SLC24A3: variants seen among roughly 807,000 people sequenced by gnomAD.
The protein encoded by SLC24A3 is solute carrier family 24 member 3, also known as sodium/potassium/calcium exchanger 3.
Under a neutral mutation model 75.8 loss-of-function variants are expected in SLC24A3, and 28 were observed. The ratio of observed to expected loss-of-function variants is 0.37; its 90% CI spans 0.27 to 0.51. SLC24A3 has a LOEUF of 0.51. Ranked by LOEUF, SLC24A3 falls within the 20% of genes least tolerant of loss-of-function variation. The pLI is 0.94. For synonymous variants in SLC24A3, 372 were observed against 334.1 expected, an observed-to-expected ratio of 1.11 and a Z score of -1.24; for missense variants, 663 against 847.8, an observed-to-expected ratio of 0.78 and a Z score of 2.71.
intron 6 of SLC24A3, among the ~76,000 whole-genome samples, chr20:19,591,115 CCA>C (rs1384633142): frequency 6.6e-6 from 1 of 152,142 alleles, no homozygotes; most frequent in Middle Eastern, 3.2e-3. Context: ...GGTCCCAGGC[CCA>C]GAGTTCTGCT....
chr20:19,704,820 T>C (rs533988517), intron 15 of SLC24A3, among the ~76,000 whole-genome samples: 1 of 151,602 alleles, frequency 6.6e-6, no homozygotes, highest in African/African-American at 2.4e-5. Flanking sequence ...TAGTGCAGAG[T>C]AAGGTGGGCA....
At chr20:19,408,605 G>T (rs1420122388) in intron 2 of SLC24A3, among the ~76,000 whole-genome samples, 1 of 152,016 alleles carries the variant, frequency 6.6e-6, no homozygotes. Flanking sequence ...GGCCAAGCTG[G>T]TCTCGAACTT....
At chr20:19,312,132 C>T (rs1356637909) in intron 2 of SLC24A3, among the ~76,000 whole-genome samples, 1 of 152,168 alleles carries the variant, frequency 6.6e-6, no homozygotes, top group Non-Finnish European at 1.5e-5. Context: ...AAGGTGAAAA[C>T]ATTTTTCTAA....
chr20:19,307,141 T>C (rs1390105030), intron 2 of SLC24A3, among the ~76,000 whole-genome samples: 1 of 152,228 alleles, frequency 6.6e-6, no homozygotes, highest in Non-Finnish European at 1.5e-5. Flanking sequence ...TTTTCATTGA[T>C]CAGTTGGATG....
intron 2 of SLC24A3, among the ~76,000 whole-genome samples, chr20:19,367,822 T>G (rs1985921670): frequency 6.6e-6 from 1 of 152,176 alleles, no homozygotes; most frequent in Non-Finnish European, 1.5e-5. Context: ...ATTGGTGCAT[T>G]GGCCGTGTTT....
intron 2 of SLC24A3, among the ~76,000 whole-genome samples, chr20:19,359,366 G>T (rs973246407): frequency 6.6e-6 from 1 of 152,102 alleles, no homozygotes; most frequent in African/African-American, 2.4e-5. Flanking sequence ...TCCTATGAAT[G>T]GCCTGTGTAG....
At chr20:19,289,682 G>A (rs1310560116) in intron 2 of SLC24A3, among the ~76,000 whole-genome samples, 2 of 152,092 alleles carry the variant, frequency 1.3e-5, no homozygotes, top group Non-Finnish European at 2.9e-5. Context: ...CCTGGCCTGG[G>A]AGCACATGTG....
chr20:19,665,737 C>T (rs2032390830), intron 7 of SLC24A3, 127 bp from the exon 8 acceptor site: 10 of 1,257,462 alleles, frequency 8.0e-6, no homozygotes, highest in Non-Finnish European at 1.1e-5. Context: ...CAGGACAACC[C>T]AGTCCTGATT....
chr20:19,527,344 G>A (rs2030217601), intron 3 of SLC24A3, among the ~76,000 whole-genome samples: 1 of 152,160 alleles, frequency 6.6e-6, no homozygotes, highest in African/African-American at 2.4e-5. Flanking sequence ...TGGAAGAAGT[G>A]CTCATTGAAT....
chr20:19,308,954 C>CTTAGAATTCTTGTCT (rs1452754471), intron 2 of SLC24A3, among the ~76,000 whole-genome samples: 4 of 152,154 alleles, frequency 2.6e-5, no homozygotes, highest in African/African-American at 9.7e-5. Flanking sequence ...AAATTTAATA[C>CTTAGAATTCTTGTCT]GTTCTTGTCT....
At chr20:19,316,537 A>G (rs1049880737) in intron 2 of SLC24A3, among the ~76,000 whole-genome samples, 1 of 152,184 alleles carries the variant, frequency 6.6e-6, no homozygotes, top group African/African-American at 2.4e-5. Context: ...AAAAAATCCA[A>G]TCTTGAAAAT....
At chr20:19,323,478 A>G (rs1260251705) in intron 2 of SLC24A3, among the ~76,000 whole-genome samples, 4 of 152,134 alleles carry the variant, frequency 2.6e-5, no homozygotes, top group African/African-American at 9.7e-5. Context: ...TATATTTAAG[A>G]TATTTTAAAA....
chr20:19,281,041 T>C lies in SLC24A3; in HGVS notation c.225T>C (p.Thr75=). 1 of 1,614,160 alleles carries C rather than the reference T, an allele frequency of 6.2e-7. No homozygotes were observed. Among genetic ancestry groups the C allele is most frequent in the Non-Finnish European group, 8.5e-7 (1 of 1,180,014 alleles). ...TGATGCAGGTGAACGACACTCTGAC[T>C]TCCGAAGATGCCGGACTCCGGAACA... is the stretch of plus-strand genomic sequence containing the variant. ...RKLMQVNDTL[T]SEDAGLRNSK... Residue 75 remains threonine, a synonymous_variant, in exon 2 of 17, where the codon ACT becomes ACC. Transcript: ENST00000328041.
chr20:19,505,433 A>G (rs1345764862), intron 2 of SLC24A3, among the ~76,000 whole-genome samples: 2 of 152,204 alleles, frequency 1.3e-5, no homozygotes, highest in East Asian at 3.8e-4. Flanking sequence ...AGAGAGAGGG[A>G]AAAGTGCAAA....
Position 19,392,847 on chromosome 20 carries a change from A to G in SLC24A3, c.271+111760A>G, listed in dbSNP as rs529650536. ...GAATAGACCACCACAAAGGCAGGTG[A>G]TCATATGTTTAGTTTGCTGACAGTA... On this transcript the variant is annotated intron_variant, in intron 2 of 16. Coordinates refer to ENST00000328041, the MANE Select transcript of SLC24A3 (RefSeq NM_020689.4). Among the ~76,000 whole-genome samples the G allele has an allele frequency of 2.2e-4, 34 of 152,322 alleles. No homozygotes were observed. In the East Asian group the frequency reaches 5.0e-3, roughly 22 times the overall value.
At chr20:19,550,498 A>T (rs1049995991) in intron 3 of SLC24A3, among the ~76,000 whole-genome samples, 6 of 152,182 alleles carry the variant, frequency 3.9e-5, no homozygotes, top group Admixed American at 6.5e-5. Flanking sequence ...TACCTTCTTG[A>T]CTTATGTGTA....
intron 6 of SLC24A3, among the ~76,000 whole-genome samples, chr20:19,646,720 C>G (rs1263264794): frequency 6.6e-6 from 1 of 152,152 alleles, no homozygotes; most frequent in East Asian, 1.9e-4. Flanking sequence ...TGGCCTCTTT[C>G]AGACACTAGC....
chr20:19,471,660 G>T (rs1052274039), intron 2 of SLC24A3, among the ~76,000 whole-genome samples: 11 of 116,682 alleles, frequency 9.4e-5, no homozygotes, highest in Non-Finnish European at 1.7e-4. Context: ...GCTGGTTCAG[G>T]ATGGCTTAGC....
At chr20:19,452,649 C>T (rs1987507089) in intron 2 of SLC24A3, among the ~76,000 whole-genome samples, 2 of 151,774 alleles carry the variant, frequency 1.3e-5, no homozygotes, top group Admixed American at 6.6e-5. Context: ...TCATTCTAGG[C>T]CAGAGAGGTA....
Sources: gnomAD v4.1 joint callset for allele counts (sites outside exome capture counted in the v4.1 genomes callset) on GRCh38, gnomAD v4.1.1 for gene constraint, MANE v1.5 for transcripts, NCBI Gene and HGNC (gene_info 2026-07-23, HGNC 2026-07-21) for gene names.